TENM2: variants seen among roughly 807,000 people sequenced by gnomAD.
TENM2 encodes teneurin-2.
TENM2 carries 52 observed loss-of-function variants against 245.2 expected under a neutral mutation model. That is an observed-to-expected ratio of 0.21 (90% CI 0.17 to 0.27). TENM2 has a LOEUF of 0.27. Ranked by LOEUF, TENM2 falls within the 10% of genes least tolerant of loss-of-function variation. TENM2 has a pLI of 1.00. For missense variants in TENM2, 3,046 were observed against 3,666.8 expected, an observed-to-expected ratio of 0.83 and a Z score of 4.37; for synonymous variants, 1,363 against 1,438.9, an observed-to-expected ratio of 0.95 and a Z score of 1.19.
In TENM2 at chr5:168,002,492, C is replaced by T. The variant is rs1406188759; in HGVS notation, c.1186+9310C>T. Among the ~76,000 whole-genome samples the T allele has an allele frequency of 2.6e-5, 4 of 152,248 alleles. No individual in the cohort carries two copies. In the East Asian group the frequency reaches 5.8e-4, roughly 22 times the overall value. ...GTCAAATGCATTCTGTTCTTCAGGC[C>T]GTGATAAACAAGATGGCATCTTTCA... On this transcript the variant is annotated intron_variant, in intron 5 of 28. Coordinates refer to ENST00000518659, the Ensembl canonical transcript of TENM2.
the TENM2 span, among the ~76,000 whole-genome samples, chr5:167,258,162 T>C: frequency 6.7e-6 from 1 of 149,586 alleles, no homozygotes; most frequent in East Asian, 1.9e-4. Context: ...GAAGATATTA[T>C]ATTTTGTATT....
At chr5:167,556,988 T>C (rs568361289) in intron 2 of TENM2, among the ~76,000 whole-genome samples, 1 of 152,368 alleles carries the variant, frequency 6.6e-6, no homozygotes, top group Non-Finnish European at 1.5e-5. Flanking sequence ...AATGCACATT[T>C]CTTTATTTAA....
intron 2 of TENM2, among the ~76,000 whole-genome samples, chr5:167,441,582 T>C (rs1764885272): frequency 6.6e-6 from 1 of 150,848 alleles, no homozygotes; most frequent in African/African-American, 2.5e-5. Context: ...ATGGGGAAAA[T>C]CAATTGCAAA....
intron 13 of TENM2, among the ~76,000 whole-genome samples, chr5:168,177,684 A>G (rs779748127): frequency 7.2e-5 from 11 of 152,198 alleles, no homozygotes; most frequent in Non-Finnish European, 1.6e-4. Flanking sequence ...AAAAAATTAA[A>G]AAATTAGCTG....
At chr5:167,585,433 TTGTC>T (rs1208344797) in intron 2 of TENM2, among the ~76,000 whole-genome samples, 1 of 152,208 alleles carries the variant, frequency 6.6e-6, no homozygotes, top group East Asian at 1.9e-4. Flanking sequence ...TGAATACAGA[TTGTC>T]TGTTGAATAT....
chr5:167,561,973 T>A (rs1773621839), intron 2 of TENM2, among the ~76,000 whole-genome samples: 2 of 152,192 alleles, frequency 1.3e-5, no homozygotes. Context: ...TCTCTGTGCC[T>A]GTTGGTGCTT....
At chr5:167,169,834 T>C in the TENM2 span, among the ~76,000 whole-genome samples, 2 of 152,244 alleles carry the variant, frequency 1.3e-5, no homozygotes, top group African/African-American at 4.8e-5. Flanking sequence ...TTTGATGTAG[T>C]TGTTCTTTTG....
At chr5:167,998,594 G>A (rs1376855750) in intron 5 of TENM2, among the ~76,000 whole-genome samples, 2 of 152,162 alleles carry the variant, frequency 1.3e-5, no homozygotes, top group Non-Finnish European at 2.9e-5. Context: ...CACGGGGTTG[G>A]TAAGGGAAGG....
At chr5:168,249,038 G>T (rs1766854295) in intron 27 of TENM2, among the ~76,000 whole-genome samples, 1 of 150,994 alleles carries the variant, frequency 6.6e-6, no homozygotes, top group African/African-American at 2.4e-5. Flanking sequence ...AAAATCACTT[G>T]AACTCAGGAA....
chr5:167,521,885 T>C (rs1161659281), intron 2 of TENM2, among the ~76,000 whole-genome samples: 3 of 152,132 alleles, frequency 2.0e-5, no homozygotes, highest in Admixed American at 6.6e-5. Flanking sequence ...TAAAAGATTC[T>C]CTCTCTATCT....
the TENM2 span, among the ~76,000 whole-genome samples, chr5:167,128,848 G>A: frequency 6.6e-6 from 1 of 152,132 alleles, no homozygotes; most frequent in African/African-American, 2.4e-5. Context: ...TCCTATGTGT[G>A]CCCTGGCACT....
At chr5:167,862,202 G>T (rs549442710) in intron 2 of TENM2, among the ~76,000 whole-genome samples, 1 of 151,858 alleles carries the variant, frequency 6.6e-6, no homozygotes, top group Non-Finnish European at 1.5e-5. Flanking sequence ...GTGCCCTGTG[G>T]ATGTGTATTA....
At chr5:168,154,146 T>TAAAAAAAAAAAAAAAAAAAAAAAAA (rs1562223601) in intron 12 of TENM2, among the ~76,000 whole-genome samples, 1 of 75,752 alleles carries the variant, frequency 1.3e-5, no homozygotes, top group African/African-American at 6.0e-5. Context: ...ATCACCTACT[T>TAAAAAAAAAAAAAAAAAAAAAAAAA]TAAAAAAAAA....
chr5:167,793,411 A>T (rs1765112151), intron 2 of TENM2, among the ~76,000 whole-genome samples: 1 of 152,184 alleles, frequency 6.6e-6, no homozygotes, highest in Admixed American at 6.6e-5. Flanking sequence ...TAAATACTTA[A>T]TAAATATATA....
chr5:167,535,074 G>C (rs1381316435), intron 2 of TENM2, among the ~76,000 whole-genome samples: 1 of 152,062 alleles, frequency 6.6e-6, no homozygotes, highest in African/African-American at 2.4e-5. Flanking sequence ...GTGAGTCCAA[G>C]TTGGGATAAC....
At position 167,900,950 on chromosome 5, in the gene TENM2, A is replaced by G. The variant is rs558277811; in HGVS notation, c.712+24755A>G. 3.3e-5 allele frequency among the ~76,000 whole-genome samples: 5 copies of G among 152,266 alleles called. No individual in the cohort carries two copies. In the South Asian group the frequency reaches 1.0e-3, roughly 32 times the overall value. On this transcript the variant is annotated intron_variant, in intron 3 of 28. Transcript: ENST00000518659. ...TGAGGAGTCCTGCGGGGTGGGGGAC[A>G]GGAATGTAAAAAAGGCCTGAGATGT...
In TENM2 at chr5:168,233,215, A is replaced by G. The variant is rs375409352; in HGVS notation, c.5520+5085A>G. Reference sequence around the variant, plus strand: ...GTGGCGCATGCCTGTAATCCCAGCTACTCAGGAGGCTGAGGCAGGAGAATC... The same window carrying G: ...GTGGCGCATGCCTGTAATCCCAGCTGCTCAGGAGGCTGAGGCAGGAGAATC... On this transcript the variant is annotated intron_variant, in intron 25 of 28. Coordinates refer to ENST00000518659, the Ensembl canonical transcript of TENM2. Among the ~76,000 whole-genome samples, 7 of 152,272 alleles carry G rather than the reference A, an allele frequency of 4.6e-5. No individual in the cohort carries two copies. The East Asian group carries it at 1.2e-3, about 25-fold the overall frequency.
chr5:167,231,695 C>T, the TENM2 span, among the ~76,000 whole-genome samples: 1 of 152,126 alleles, frequency 6.6e-6, no homozygotes, highest in African/African-American at 2.4e-5. Flanking sequence ...CAAATTGCAG[C>T]CTGACAATGC....
chr5:167,264,811 C>T, the TENM2 span, among the ~76,000 whole-genome samples: 68 of 152,136 alleles, frequency 4.5e-4, no homozygotes, highest in Non-Finnish European at 6.3e-4. Context: ...TTAATGTTGA[C>T]GATGTTTGCT....
Sources: allele counts gnomAD v4.1 joint callset (sites outside exome capture counted in the v4.1 genomes callset), GRCh38; gene constraint gnomAD v4.1.1; transcripts MANE v1.5; gene names NCBI Gene and HGNC (gene_info 2026-07-23, HGNC 2026-07-21).